The following TCF4 variants were observed in gnomAD, a reference collection of about 807,000 sequenced individuals.
The protein encoded by TCF4 is transcription factor 4, also known as SL3-3 enhancer factor 2.
In TCF4, 3 loss-of-function variants were observed where a neutral mutation model predicts 82.1. The observed-to-expected ratio is 0.04, with a 90% CI of 0.02 to 0.09. TCF4 has a LOEUF of 0.09. TCF4 is among the 10% of genes least tolerant of loss of function. The pLI, the probability that TCF4 is intolerant of heterozygous loss-of-function variation, is 1.00. For synonymous variants in TCF4, 276 were observed against 309.6 expected (o/e 0.89, Z 1.14); for missense variants, 518 against 852.7 (o/e 0.61, Z 4.89).
At chr18:55,460,917 C>T in intron 5 of TCF4, 102 bp downstream of exon 5, 2 of 991,764 alleles carry the variant, frequency 2.0e-6, no homozygotes, top group Non-Finnish European at 3.1e-6. Flanking sequence ...GACTAAATAT[C>T]CAAGTTTCTA....
At chr18:55,605,000 A>G (rs2097700971) in intron 2 of TCF4, among the ~76,000 whole-genome samples, 2 of 152,172 alleles carry the variant, frequency 1.3e-5, no homozygotes. Flanking sequence ...TCAGATGTAC[A>G]AGCACAGACC....
chr18:55,504,700 C>A (rs150114724), intron 3 of TCF4, among the ~76,000 whole-genome samples: 2 of 152,184 alleles, frequency 1.3e-5, no homozygotes, highest in Non-Finnish European at 1.5e-5. Context: ...CATGCATATT[C>A]GCTGCCCCTC....
intron 4 of TCF4, among the ~76,000 whole-genome samples, chr18:55,463,005 G>T (rs2095902381): frequency 6.6e-6 from 1 of 152,090 alleles, no homozygotes; most frequent in African/African-American, 2.4e-5. Context: ...TACCTTCCCT[G>T]CCTCTTATGC....
At position 55,500,489 on chromosome 18, in the gene TCF4, C is replaced by G. The variant is rs1277553696; in HGVS notation, c.146-36352G>C. ...AGACCAATGGAACTAAATTCTGAAC[C>G]AGTTCATTTCGGCACATCCTGTTTA... On this transcript the variant is annotated intron_variant, in intron 3 of 19. Transcript: ENST00000354452. Among the ~76,000 whole-genome samples, 3 of 152,238 alleles carry G rather than the reference C, an allele frequency of 2.0e-5. No homozygotes were observed. The East Asian group carries it at 5.8e-4, about 29-fold the overall frequency.
intron 2 of TCF4, among the ~76,000 whole-genome samples, chr18:55,625,473 G>A (rs1168373288): frequency 6.6e-6 from 1 of 152,090 alleles, no homozygotes; most frequent in Admixed American, 6.6e-5. Flanking sequence ...TCCTGACCTT[G>A]TGGTCCACCC....
chr18:55,570,889 CAAAAA>C (rs201400921), intron 3 of TCF4, among the ~76,000 whole-genome samples: 5 of 67,798 alleles, frequency 7.4e-5, no homozygotes, highest in Admixed American at 1.7e-4. Flanking sequence ...GACCCTGCCT[CAAAAA>C]AAAAAAAAAA....
intron 3 of TCF4, chr18:55,496,272 G>T (rs1310615459): frequency 6.6e-6 from 1 of 152,078 alleles, no homozygotes; most frequent in African/African-American, 2.4e-5. Context: ...AGTACAGCGT[G>T]TTACAATAAA....
intron 15 of TCF4, among the ~76,000 whole-genome samples, chr18:55,247,113 G>A (rs146599516): frequency 6.6e-6 from 1 of 152,174 alleles, no homozygotes; most frequent in Non-Finnish European, 1.5e-5. Flanking sequence ...GGGCCATACG[G>A]TGTATAAGGA....
intron 3 of TCF4, among the ~76,000 whole-genome samples, chr18:55,529,169 A>G (rs891050912): frequency 3.3e-5 from 5 of 152,140 alleles, no homozygotes; most frequent in Non-Finnish European, 5.9e-5. Context: ...TAACAGCCAG[A>G]CTCGTCTCAA....
At chr18:55,270,450 TA>T (rs1400742068) in intron 10 of TCF4, among the ~76,000 whole-genome samples, 1 of 152,130 alleles carries the variant, frequency 6.6e-6, no homozygotes, top group Non-Finnish European at 1.5e-5. Flanking sequence ...CCTCCCAAAT[TA>T]AATTTTTTTG....
intron 8 of TCF4, among the ~76,000 whole-genome samples, chr18:55,283,789 T>C (rs1373096270): frequency 6.6e-6 from 1 of 152,212 alleles, no homozygotes; most frequent in African/African-American, 2.4e-5. Context: ...ATAATGTGTG[T>C]AAAGAAACTA....
chr18:55,280,118 G>A (rs2062267623), intron 8 of TCF4, among the ~76,000 whole-genome samples: 1 of 152,066 alleles, frequency 6.6e-6, no homozygotes, highest in Non-Finnish European at 1.5e-5. Context: ...GGAGGGGGGA[G>A]ACAGAGAGAA....
At chr18:55,382,330 TA>T (rs1053509264) in intron 6 of TCF4, among the ~76,000 whole-genome samples, 417 of 144,222 alleles carry the variant, frequency 2.9e-3, no homozygotes, top group Middle Eastern at 7.2e-3. Context: ...CTTTCTCAGT[TA>T]AAAAAAAAAA....
chr18:55,537,416 A>G (rs924347271), intron 3 of TCF4, among the ~76,000 whole-genome samples: 2 of 151,994 alleles, frequency 1.3e-5, no homozygotes, highest in Admixed American at 6.6e-5. Flanking sequence ...ATGGCGAAAC[A>G]CCATCTCTAC....
In TCF4 at chr18:55,401,495, C is replaced by T. The variant is rs112446266; in HGVS notation, c.369+1959G>A. 6.0e-4 allele frequency: 592 copies of T among 991,766 alleles called. 2 individuals are homozygous for T. The African/African-American group carries it at 9.7e-3, about 16-fold the overall frequency. 61.4% of individuals were successfully genotyped at this position (991,766 alleles called of 1,614,324 possible). A position where few individuals can be genotyped will look rare whatever the true frequency, so the allele number is the denominator to read the frequency against. On this transcript the variant is annotated intron_variant, in intron 6 of 19. Coordinates refer to ENST00000354452, the MANE Select transcript of TCF4 (RefSeq NM_001083962.2). ...TTTCCTGGACATTAATGCCTCAAAA[C>T]GAACCTCCCAAGGCCCAGAAATTCA... is the stretch of plus-strand genomic sequence containing the variant.
At chr18:55,504,320 T>G (rs1233473700) in intron 3 of TCF4, among the ~76,000 whole-genome samples, 1 of 152,206 alleles carries the variant, frequency 6.6e-6, no homozygotes, top group Non-Finnish European at 1.5e-5. Flanking sequence ...GCTCCTTCCT[T>G]GAATGCTCAC....
intron 5 of TCF4, among the ~76,000 whole-genome samples, chr18:55,426,554 C>A (rs1238806831): frequency 6.6e-6 from 1 of 152,154 alleles, no homozygotes; most frequent in East Asian, 1.9e-4. Context: ...TGCCCATAGG[C>A]ATCTGTTCCC....
At chr18:55,574,853 A>G (rs2097513064) in intron 3 of TCF4, among the ~76,000 whole-genome samples, 1 of 152,236 alleles carries the variant, frequency 6.6e-6, no homozygotes, top group Non-Finnish European at 1.5e-5. Context: ...TGTGCACATA[A>G]GTAAATTAAA....
At chr18:55,277,473 C>T (rs1277398810) in intron 9 of TCF4, among the ~76,000 whole-genome samples, 1 of 152,130 alleles carries the variant, frequency 6.6e-6, no homozygotes, top group African/African-American at 2.4e-5. Context: ...ACATATTTTA[C>T]ATAAATTATG....
Sources: allele counts gnomAD v4.1 joint callset (sites outside exome capture counted in the v4.1 genomes callset), GRCh38; gene constraint gnomAD v4.1.1; transcripts MANE v1.5; gene names NCBI Gene and HGNC (gene_info 2026-07-23, HGNC 2026-07-21).